Variants in SUZ12 observed in about 807,000 individuals in gnomAD.
SUZ12 encodes the protein polycomb protein SUZ12.
Under a neutral mutation model 87.3 loss-of-function variants are expected in SUZ12, and 17 were observed. That is an observed-to-expected ratio of 0.19 (90% CI 0.13 to 0.29). The LOEUF is 0.29. Ranked by LOEUF, SUZ12 falls within the 10% of genes least tolerant of loss-of-function variation. The probability of loss-of-function intolerance (pLI) is 1.00; values close to 1 mark genes in which losing one functional copy is unlikely to be tolerated. For missense variants in SUZ12, 526 were observed against 912.2 expected (o/e 0.58, Z 5.45); for synonymous variants, 253 against 312.4 (o/e 0.81, Z 2.01).
At chr17:31,985,514 C>A (rs1184277141) in intron 9 of SUZ12, among the ~76,000 whole-genome samples, 2 of 151,726 alleles carry the variant, frequency 1.3e-5, no homozygotes, top group Admixed American at 6.6e-5. Context: ...TAATTTTTAT[C>A]TATACTGTTT....
chr17:31,984,797 T>G (rs1339345884), intron 9 of SUZ12, among the ~76,000 whole-genome samples: 1 of 152,126 alleles, frequency 6.6e-6, no homozygotes. Flanking sequence ...AGATTAAAAG[T>G]TTGACAGTTT....
Position 31,937,263 on chromosome 17 carries a change from A to C in SUZ12, c.17A>C (p.His6Pro). The change falls in exon 1 of 16, where the codon CAC becomes CCC. Residue 6 changes from histidine (H) to proline (P), a missense_variant. Around this residue, in one of 9 missense-constraint regions of SUZ12, gnomAD observed 92 missense variants for 109.9 expected, o/e 0.84. Transcript: ENST00000322652. ...GGAACCGCGATGGCGCCTCAGAAGC[A>C]CGGCGGTGGGGGAGGGGGCGGCTCG... is the stretch of plus-strand genomic sequence containing the variant. MAPQK[H>P]GGGGGGGSGP... is the part of the protein sequence containing the mutation. The C allele has an allele frequency of 7.2e-7, 1 of 1,395,348 alleles. No individual in the cohort carries two copies. Among genetic ancestry groups the C allele is most frequent in the Non-Finnish European group, 9.2e-7 (1 of 1,085,692 alleles). The allele number at this position is 1,395,348 out of a possible 1,614,324, so 86.4% of individuals were successfully genotyped here.
At chr17:31,956,922 T>C (rs1436736488) in intron 4 of SUZ12, among the ~76,000 whole-genome samples, 1 of 152,012 alleles carries the variant, frequency 6.6e-6, no homozygotes, top group Admixed American at 6.6e-5. Context: ...ATTATAGGCA[T>C]GTGCCACCAC....
Position 31,957,895 on chromosome 17 carries a change from C to CTTTTTTTTTTTTTTT in SUZ12, c.456-8241_456-8227dup, listed in dbSNP as rs1181314058. Among the ~76,000 whole-genome samples, 88 of 91,326 alleles carry CTTTTTTTTTTTTTTT rather than the reference C, an allele frequency of 9.6e-4. 8 individuals are homozygous for CTTTTTTTTTTTTTTT. Among genetic ancestry groups the CTTTTTTTTTTTTTTT allele is most frequent in the Non-Finnish European group, 1.5e-3 (69 of 44,580 alleles). 59.9% of individuals were successfully genotyped at this position (91,326 alleles called of 152,430 possible). A position where few individuals can be genotyped will look rare whatever the true frequency, so the allele number is the denominator to read the frequency against. On this transcript the variant is annotated intron_variant, in intron 4 of 15. Coordinates refer to ENST00000322652, the MANE Select transcript of SUZ12 (RefSeq NM_015355.4). ...ACCTGGCCCTGGCTCACCTTTTGTC[C>CTTTTTTTTTTTTTTT]TTTTTTTTTTTTTTTTTTTTTTTTT...
rs1423651231 is a variant in SUZ12 at position 31,951,915 on chromosome 17, T to C, written c.455+4230T>C. Among the ~76,000 whole-genome samples, 7 of 151,628 alleles carry C rather than the reference T, an allele frequency of 4.6e-5. No homozygotes were observed. The East Asian group carries it at 9.7e-4, about 21-fold the overall frequency. The stretch of plus-strand genomic sequence containing the variant: ...GCAGCCTCCCTAGTAGCTGGGATTA[T>C]ATGCATGCCCTACCACGTCCAACTA... On this transcript the variant is annotated intron_variant, in intron 4 of 15. Transcript: ENST00000322652.
At position 31,994,986 on chromosome 17, in the gene SUZ12, T is replaced by C. The variant is rs73282267; in HGVS notation, c.1595+265T>C. ...GCTGCAGTGGTTTGGGATTAAAGAA[T>C]TCTGTCAGAAGTTTCTGGATAATTG... On this transcript the variant is annotated intron_variant, in intron 13 of 15. Transcript: ENST00000322652. 7.5e-3 allele frequency among the ~76,000 whole-genome samples: 1,146 copies of C among 152,308 alleles called. 12 individuals are homozygous for C. The highest frequency in any genetic ancestry group is 0.026 in the African/African-American group (1,094 of 41,562).
chr17:31,966,196 G>T lies in SUZ12; in HGVS notation c.505G>T (p.Asp169Tyr). ...GTTTACTGGTTTCTTCCACAAAAAT[G>T]GTATGTATTTAAAAGTAAATAAAGT... Reference protein sequence around the residue: ...LTFTGFFHKNDKPSPNSENEQ... With the variant: ...LTFTGFFHKNYKPSPNSENEQ... Residue 169 changes from aspartate to tyrosine, a missense_variant and splice_region_variant, in exon 5 of 16, where the codon GAT becomes TAT. Physicochemically the swap from Asp to Tyr is radical, Grantham distance 160. Around this residue, in one of 9 missense-constraint regions of SUZ12, gnomAD observed 49 missense variants for 73.2 expected, o/e 0.67. Coordinates refer to ENST00000322652, the MANE Select transcript of SUZ12 (RefSeq NM_015355.4). 6.3e-7 allele frequency: 1 copy of T among 1,598,878 alleles called. No individual in the cohort carries two copies. Among genetic ancestry groups the T allele is most frequent in the Non-Finnish European group, 8.5e-7 (1 of 1,174,418 alleles).
intron 4 of SUZ12, among the ~76,000 whole-genome samples, chr17:31,955,690 G>T (rs1907274493): frequency 6.6e-6 from 1 of 151,816 alleles, no homozygotes; most frequent in Non-Finnish European, 1.5e-5. Context: ...GGAGGTTGCA[G>T]GGAGGAGAGA....
chr17:31,940,611 A>G (rs1906214713), intron 3 of SUZ12, 125 bp downstream of exon 3: 2 of 1,418,824 alleles, frequency 1.4e-6, no homozygotes, highest in East Asian at 2.5e-5. Flanking sequence ...AAGATTTAAG[A>G]TGAAAACTGA....
intron 3 of SUZ12, among the ~76,000 whole-genome samples, chr17:31,944,273 C>A (rs191761476): frequency 6.6e-6 from 1 of 151,906 alleles, no homozygotes; most frequent in Non-Finnish European, 1.5e-5. Flanking sequence ...GGATTACAGG[C>A]ATGCGCCACC....
chr17:31,979,103 C>CAAAAAAAAAAAAAA (rs61307349), intron 8 of SUZ12, among the ~76,000 whole-genome samples: 1 of 65,252 alleles, frequency 1.5e-5, no homozygotes, highest in African/African-American at 4.5e-5. Context: ...ACTGTGTCTC[C>CAAAAAAAAAAAAAA]AAAAAAAAAA....
chr17:31,942,191 TA>T (rs1210015000), intron 3 of SUZ12, among the ~76,000 whole-genome samples: 3 of 152,030 alleles, frequency 2.0e-5, no homozygotes, highest in Non-Finnish European at 4.4e-5. Flanking sequence ...GTTGAGGATT[TA>T]AATATTTACT....
chr17:31,963,943 C>A (rs112370077), intron 4 of SUZ12: 10,543 of 151,662 alleles, frequency 0.07, no homozygotes, highest in African/African-American at 0.22. Flanking sequence ...CACCGGCCCT[C>A]TGCTTTCTAA....
intron 4 of SUZ12, among the ~76,000 whole-genome samples, chr17:31,949,608 C>T (rs1270342101): frequency 7.7e-6 from 1 of 130,412 alleles, no homozygotes; most frequent in Non-Finnish European, 1.6e-5. Flanking sequence ...AGCAATTATC[C>T]TGCCTCAGCC....
chr17:31,989,088 A>T (rs911489527), intron 10 of SUZ12, among the ~76,000 whole-genome samples: 2 of 151,838 alleles, frequency 1.3e-5, no homozygotes, highest in African/African-American at 4.8e-5. Flanking sequence ...AATAAAAGTA[A>T]GTCAATAAAT....
In SUZ12 at chr17:31,995,862, T is replaced by TAAA. The variant is rs1220841671; in HGVS notation, c.1794+111_1794+113dup. On this transcript the variant is annotated intron_variant, in intron 14 of 15. Transcript: ENST00000322652. ...ACTTTTATTGTAAAGGAACTTTTTT[T>TAAA]AAAAAAAAAAAAAGGAATCCGGAAA... is the stretch of plus-strand genomic sequence containing the variant. 4.3e-3 allele frequency: 3,027 copies of TAAA among 700,348 alleles called. 5 individuals carry two copies. The highest frequency in any genetic ancestry group is 8.2e-3 in the Middle Eastern group (23 of 2,822). The allele number at this position is 700,348 out of a possible 1,614,324, so 43.4% of individuals were successfully genotyped here. A position where few individuals can be genotyped will look rare whatever the true frequency, so the allele number is the denominator to read the frequency against.
rs1276833274 is a variant in SUZ12 at position 32,000,785 on chromosome 17, A to G, written c.*1782A>G. 4.3e-6 allele frequency: 1 copy of G among 230,378 alleles called. No homozygotes were observed. The highest frequency in any genetic ancestry group is 6.2e-5 in the East Asian group (1 of 16,034). 14.3% of individuals were successfully genotyped at this position (230,378 alleles called of 1,614,324 possible). A position where few individuals can be genotyped will look rare whatever the true frequency, so the allele number is the denominator to read the frequency against. On this transcript the variant is annotated 3_prime_UTR_variant, in exon 16 of 16. Transcript: ENST00000322652. ...GATTCCCACCCCAAATAGTAATAAA[A>G]TTACTTCTGTTGAGTAAACTTTTTA...
intron 8 of SUZ12, among the ~76,000 whole-genome samples, chr17:31,979,583 G>C (rs1908976530): frequency 6.6e-6 from 1 of 152,172 alleles, no homozygotes; most frequent in Non-Finnish European, 1.5e-5. Flanking sequence ...TAGGACTTCT[G>C]TGGTGATTTC....
chr17:31,998,208 C>T (rs1910081459), intron 15 of SUZ12, among the ~76,000 whole-genome samples: 1 of 151,728 alleles, frequency 6.6e-6, no homozygotes. Context: ...GCCTCCGGAG[C>T]CGCTGGGACC....
Sources: allele counts gnomAD v4.1 joint callset (sites outside exome capture counted in the v4.1 genomes callset), GRCh38; gene constraint gnomAD v4.1.1; regional missense constraint gnomAD v4.1.1; transcripts MANE v1.5; gene names NCBI Gene and HGNC (gene_info 2026-07-23, HGNC 2026-07-21).